CSTPP1: variants seen among roughly 807,000 people sequenced by gnomAD.
CSTPP1 encodes the protein UPF0705 protein C11orf49.
the CSTPP1 span, among the ~76,000 whole-genome samples, chr11:46,966,445 A>AT: frequency 6.6e-6 from 1 of 152,050 alleles, no homozygotes; most frequent in African/African-American, 2.4e-5. Flanking sequence ...CAAAATTTTA[A>AT]TTTTTCATGT....
At chr11:47,010,778 A>G in the CSTPP1 span, among the ~76,000 whole-genome samples, 1 of 152,140 alleles carries the variant, frequency 6.6e-6, no homozygotes, top group Admixed American at 6.5e-5. Flanking sequence ...AAGAGGTATG[A>G]TTGGACTGTT....
At chr11:47,071,914 C>T in the CSTPP1 span, among the ~76,000 whole-genome samples, 3 of 152,198 alleles carry the variant, frequency 2.0e-5, no homozygotes, top group East Asian at 5.8e-4. Context: ...CACACACTTC[C>T]CCTGCAGGCA....
chr11:46,947,346 T>C, the CSTPP1 span, among the ~76,000 whole-genome samples: 1 of 152,180 alleles, frequency 6.6e-6, no homozygotes, highest in African/African-American at 2.4e-5. Flanking sequence ...AAATAGCTCA[T>C]TCTATGATTG....
the CSTPP1 span, among the ~76,000 whole-genome samples, chr11:46,950,234 C>T: frequency 1.4e-5 from 2 of 147,494 alleles, no homozygotes; most frequent in East Asian, 2.0e-4. Context: ...AGTGCAGTGG[C>T]GTGATCTTGG....
chr11:46,994,784 G>A, the CSTPP1 span, among the ~76,000 whole-genome samples: 2 of 152,142 alleles, frequency 1.3e-5, no homozygotes, highest in African/African-American at 2.4e-5. Flanking sequence ...GATGATGCTG[G>A]CCTCATAAAA....
chr11:47,096,795 A>G, the CSTPP1 span, among the ~76,000 whole-genome samples: 1 of 147,806 alleles, frequency 6.8e-6, no homozygotes, highest in African/African-American at 2.5e-5. Flanking sequence ...AATTTCTGCA[A>G]TGTTAAGGCC....
chr11:47,068,265 C>T, the CSTPP1 span, among the ~76,000 whole-genome samples: 1 of 152,166 alleles, frequency 6.6e-6, no homozygotes, highest in Non-Finnish European at 1.5e-5. Context: ...GGCACAGTGG[C>T]TTATGCCTGT....
chr11:47,137,360 G>A, the CSTPP1 span: 1 of 1,455,472 alleles, frequency 6.9e-7, no homozygotes, highest in Non-Finnish European at 9.1e-7. Flanking sequence ...ACTGATGAAG[G>A]TGCCTCTCTT....
chr11:46,969,685 A>G, the CSTPP1 span, among the ~76,000 whole-genome samples: 1 of 152,232 alleles, frequency 6.6e-6, no homozygotes, highest in Non-Finnish European at 1.5e-5. Flanking sequence ...GTTATTCTGT[A>G]ATGAGATTGA....
the CSTPP1 span, among the ~76,000 whole-genome samples, chr11:47,071,102 C>T: frequency 2.6e-5 from 4 of 152,274 alleles, no homozygotes; most frequent in Admixed American, 2.0e-4. Flanking sequence ...CATTCAAAAG[C>T]GACCTCTTAG....
At chr11:47,150,279 A>G in the CSTPP1 span, among the ~76,000 whole-genome samples, 1 of 152,146 alleles carries the variant, frequency 6.6e-6, no homozygotes, top group African/African-American at 2.4e-5. Context: ...TAAAGATTGT[A>G]AGTATCTTTA....
the CSTPP1 span, chr11:47,154,486 G>A: frequency 3.9e-5 from 6 of 152,416 alleles, no homozygotes; most frequent in African/African-American, 1.4e-4. Context: ...GTCCTCAGTG[G>A]GAGGGACTAG....
At chr11:47,045,758 T>A in the CSTPP1 span, among the ~76,000 whole-genome samples, 20 of 152,248 alleles carry the variant, frequency 1.3e-4, no homozygotes, top group African/African-American at 3.6e-4. Flanking sequence ...AATTATTGAT[T>A]TTTTTAAAGT....
the CSTPP1 span, among the ~76,000 whole-genome samples, chr11:47,083,755 T>A: frequency 6.6e-6 from 1 of 152,240 alleles, no homozygotes; most frequent in Non-Finnish European, 1.5e-5. Flanking sequence ...GGAGAAATGT[T>A]CATCCACATT....
the CSTPP1 span, among the ~76,000 whole-genome samples, chr11:46,971,389 AATAT>A: frequency 2.0e-5 from 3 of 152,222 alleles, no homozygotes; most frequent in Non-Finnish European, 4.4e-5. Flanking sequence ...TCTTGGATGT[AATAT>A]AATCTGGTGT....
chr11:47,094,165 T>C, the CSTPP1 span, among the ~76,000 whole-genome samples: 1 of 152,208 alleles, frequency 6.6e-6, no homozygotes, highest in African/African-American at 2.4e-5. Context: ...AAATGGATTT[T>C]CTGTCATTAG....
chr11:47,029,923 C>T, the CSTPP1 span, among the ~76,000 whole-genome samples: 1,058 of 148,908 alleles, frequency 7.1e-3, 6 homozygotes, highest in Middle Eastern at 0.031. Context: ...CATAGTGAGG[C>T]CTCGTCTCTA....
At chr11:46,957,238 ATTAC>A in the CSTPP1 span, among the ~76,000 whole-genome samples, 69 of 152,264 alleles carry the variant, frequency 4.5e-4, no homozygotes, top group African/African-American at 1.7e-3. Flanking sequence ...TATCATGGGT[ATTAC>A]TTCATTCTTC....
At chr11:47,059,498 T>G in the CSTPP1 span, among the ~76,000 whole-genome samples, 1 of 152,072 alleles carries the variant, frequency 6.6e-6, no homozygotes, top group East Asian at 1.9e-4. Context: ...GCTATAAAGG[T>G]GCAAAGACAG....
Sources: gnomAD v4.1 joint callset for allele counts (sites outside exome capture counted in the v4.1 genomes callset) on GRCh38, gnomAD v4.1.1 for gene constraint, MANE v1.5 for transcripts, NCBI Gene and HGNC (gene_info 2026-07-23, HGNC 2026-07-21) for gene names.